LRRIQ1: variants seen among roughly 807,000 people sequenced by gnomAD.
The protein encoded by LRRIQ1 is leucine-rich repeat- and IQ domain-containing protein 1.
Under a neutral mutation model 211.9 loss-of-function variants are expected in LRRIQ1, and 210 were observed. That is an observed-to-expected ratio of 0.99 (90% CI 0.89 to 1.11). The LOEUF (loss-of-function observed/expected upper bound fraction) is 1.11. Among genes scored for constraint, LRRIQ1 ranks in the 50% most tolerant of loss-of-function variants. The pLI, the probability that LRRIQ1 is intolerant of heterozygous loss-of-function variation, is 0.00. For missense variants in LRRIQ1, 2,136 were observed against 1,939.5 expected (o/e 1.10, Z -1.90); for synonymous variants, 699 against 650.1 (o/e 1.08, Z -1.14).
At position 85,206,443 on chromosome 12, in the gene LRRIQ1, G is replaced by C. The variant is rs533813253; in HGVS notation, c.4823-23074G>C. On this transcript the variant is annotated intron_variant, in intron 24 of 26. Coordinates refer to ENST00000393217, the MANE Select transcript of LRRIQ1 (RefSeq NM_001079910.2). ...GTTTGTTTTTGTGCTGGCAATGGCA[G>C]CACAGTGGTGCAGTGGCAGTAAGGG... is the stretch of plus-strand genomic sequence containing the variant. Among the ~76,000 whole-genome samples, 3 of 152,274 alleles carry C rather than the reference G, an allele frequency of 2.0e-5. No homozygotes were observed. In the East Asian group the frequency reaches 5.8e-4, roughly 29 times the overall value.
At chr12:85,080,750 C>T (rs1001633050) in intron 11 of LRRIQ1, among the ~76,000 whole-genome samples, 4 of 150,690 alleles carry the variant, frequency 2.7e-5, no homozygotes, top group African/African-American at 9.7e-5. Flanking sequence ...TTTTATTTAA[C>T]GTGTTCAGCA....
chr12:85,064,380 C>T (rs1333263946), intron 8 of LRRIQ1, among the ~76,000 whole-genome samples: 1 of 151,564 alleles, frequency 6.6e-6, no homozygotes, highest in African/African-American at 2.4e-5. Context: ...GAGACTTTTT[C>T]CTATTGAGTT....
At chr12:85,142,495 T>A (rs1164968187) in intron 19 of LRRIQ1, among the ~76,000 whole-genome samples, 1 of 151,574 alleles carries the variant, frequency 6.6e-6, no homozygotes, top group Non-Finnish European at 1.5e-5. Flanking sequence ...CTCTCAACAT[T>A]TTTCAAGAGC....
intron 11 of LRRIQ1, among the ~76,000 whole-genome samples, chr12:85,087,989 C>CT (rs1885001651): frequency 6.6e-6 from 1 of 152,116 alleles, no homozygotes. Context: ...GTTGCCATTG[C>CT]TTTCGGTGTT....
chr12:85,075,977 A>G (rs75389803), intron 11 of LRRIQ1, among the ~76,000 whole-genome samples: 4 of 152,126 alleles, frequency 2.6e-5, no homozygotes, highest in Non-Finnish European at 5.9e-5. Flanking sequence ...TCAGCAGTCT[A>G]TCTCTAGTGC....
intron 11 of LRRIQ1, among the ~76,000 whole-genome samples, chr12:85,084,865 G>A (rs918990360): frequency 1.3e-5 from 2 of 151,746 alleles, no homozygotes; most frequent in Admixed American, 6.6e-5. Flanking sequence ...GGCAGAGGTT[G>A]CAGTGAGCTG....
At chr12:85,146,116 A>G (rs546721823) in intron 19 of LRRIQ1, among the ~76,000 whole-genome samples, 1 of 147,720 alleles carries the variant, frequency 6.8e-6, no homozygotes, top group Non-Finnish European at 1.5e-5. Flanking sequence ...TTGAGACTTT[A>G]ATCCAACTAT....
chr12:85,226,523 T>C (rs1269010854), intron 24 of LRRIQ1, among the ~76,000 whole-genome samples: 2 of 151,702 alleles, frequency 1.3e-5, no homozygotes, highest in Non-Finnish European at 2.9e-5. Context: ...TTATTTTTTT[T>C]CTACTTCCTT....
intron 11 of LRRIQ1, among the ~76,000 whole-genome samples, chr12:85,080,067 G>T (rs144831852): frequency 6.6e-6 from 1 of 151,804 alleles, no homozygotes; most frequent in Non-Finnish European, 1.5e-5. Flanking sequence ...TAATACACAC[G>T]CGCACACACG....
intron 24 of LRRIQ1, among the ~76,000 whole-genome samples, chr12:85,162,598 G>A (rs1890942351): frequency 6.6e-6 from 1 of 152,116 alleles, no homozygotes; most frequent in South Asian, 2.1e-4. Context: ...ATCTAGAATA[G>A]TATAATATGT....
intron 13 of LRRIQ1, 86 bp from the exon 14 acceptor site, chr12:85,103,917 TA>T: frequency 1.8e-6 from 1 of 542,674 alleles, no homozygotes; most frequent in Non-Finnish European, 3.1e-6. Context: ...AATTGTATTA[TA>T]AAAATGTATT....
Position 85,172,448 on chromosome 12 carries a change from A to G in LRRIQ1, c.4822+11734A>G, listed in dbSNP as rs540742603. On this transcript the variant is annotated intron_variant, in intron 24 of 26. Coordinates refer to ENST00000393217, the MANE Select transcript of LRRIQ1 (RefSeq NM_001079910.2). The stretch of plus-strand genomic sequence containing the variant: ...AAGTCTTGTGTTAAATCTTGCATAG[A>G]CACTCACTAGCTAAATACTCCATGT... Among the ~76,000 whole-genome samples the G allele has an allele frequency of 2.6e-5, 4 of 152,304 alleles. No homozygotes were observed. In the South Asian group the frequency reaches 8.3e-4, roughly 32 times the overall value.
At chr12:85,223,665 A>G (rs1894511880) in intron 24 of LRRIQ1, among the ~76,000 whole-genome samples, 1 of 152,190 alleles carries the variant, frequency 6.6e-6, no homozygotes, top group Non-Finnish European at 1.5e-5. Context: ...CTATGCCTAC[A>G]GAAAATGAAA....
At chr12:85,209,348 G>A (rs1217099376) in intron 24 of LRRIQ1, among the ~76,000 whole-genome samples, 2 of 152,054 alleles carry the variant, frequency 1.3e-5, no homozygotes, top group Non-Finnish European at 2.9e-5. Flanking sequence ...AGGGGGAAAA[G>A]CCCCTTATAA....
downstream of LRRIQ1, among the ~76,000 whole-genome samples, chr12:85,267,351 T>A (rs1302536363): frequency 1.3e-5 from 2 of 152,060 alleles, no homozygotes; most frequent in Admixed American, 1.3e-4. Flanking sequence ...GAGGACATTG[T>A]CTTACACGAG....
At chr12:85,194,743 T>C (rs542282933) in intron 24 of LRRIQ1, among the ~76,000 whole-genome samples, 1 of 151,966 alleles carries the variant, frequency 6.6e-6, no homozygotes, top group Non-Finnish European at 1.5e-5. Flanking sequence ...ATTGACACCC[T>C]AACATCACAA....
chr12:85,090,227 C>T (rs1885243594), intron 11 of LRRIQ1, among the ~76,000 whole-genome samples: 1 of 152,170 alleles, frequency 6.6e-6, no homozygotes, highest in Non-Finnish European at 1.5e-5. Context: ...TATGGAAAAC[C>T]CTGGGGGTCC....
the LRRIQ1 span, among the ~76,000 whole-genome samples, chr12:85,271,782 T>C: frequency 6.6e-6 from 1 of 152,130 alleles, no homozygotes; most frequent in Non-Finnish European, 1.5e-5. Flanking sequence ...TTAACTTTAA[T>C]TTGCAATTTT....
chr12:85,252,468 G>T (rs1174496775), intron 1 of LRRIQ1, among the ~76,000 whole-genome samples: 2 of 151,784 alleles, frequency 1.3e-5, no homozygotes, highest in Non-Finnish European at 2.9e-5. Context: ...TTTTGAAGGT[G>T]GTTATTAAAG....
Sources: allele counts gnomAD v4.1 joint callset (sites outside exome capture counted in the v4.1 genomes callset), GRCh38; gene constraint gnomAD v4.1.1; transcripts MANE v1.5; gene names NCBI Gene and HGNC (gene_info 2026-07-23, HGNC 2026-07-21).